Variants in KLHL1 observed in about 807,000 individuals in gnomAD.
The protein encoded by KLHL1 is kelch like family member 1, also known as kelch-like protein 1.
In KLHL1, 47 loss-of-function variants were observed where a neutral mutation model predicts 77.7. The observed-to-expected ratio is 0.60, with a 90% CI of 0.48 to 0.77. KLHL1 has a LOEUF of 0.77. KLHL1 is among the 30% of genes least tolerant of loss of function. The pLI is 0.00. For missense variants in KLHL1, 925 were observed against 910.8 expected (o/e 1.02, Z -0.20); for synonymous variants, 360 against 325.2 (o/e 1.11, Z -1.15).
chr13:69,729,991 G>A (rs555538431), intron 8 of KLHL1, among the ~76,000 whole-genome samples: 1 of 152,052 alleles, frequency 6.6e-6, no homozygotes, highest in South Asian at 2.1e-4. Context: ...ACAAGTACAG[G>A]AAAAGTAATC....
chr13:70,080,959 C>T (rs74845712), intron 1 of KLHL1, among the ~76,000 whole-genome samples: 2,078 of 152,264 alleles, frequency 0.014, 41 homozygotes, highest in African/African-American at 0.047. Flanking sequence ...GCTTAAATTC[C>T]TTTAAATCCA....
intron 7 of KLHL1, among the ~76,000 whole-genome samples, chr13:69,756,932 ACT>A (rs1491348704): frequency 6.6e-6 from 1 of 152,164 alleles, no homozygotes; most frequent in African/African-American, 2.4e-5. Context: ...AATATCATCA[ACT>A]TTTTTTGTAA....
intron 6 of KLHL1, among the ~76,000 whole-genome samples, chr13:69,831,645 A>G (rs1878766245): frequency 6.7e-6 from 1 of 149,964 alleles, no homozygotes; most frequent in South Asian, 2.1e-4. Flanking sequence ...GGACATAATA[A>G]AAAAGAAAAC....
chr13:70,049,501 A>G (rs932585375), intron 1 of KLHL1, among the ~76,000 whole-genome samples: 1 of 152,168 alleles, frequency 6.6e-6, no homozygotes, highest in African/African-American at 2.4e-5. Flanking sequence ...GACTGCAGCT[A>G]TTTCACCTGT....
intron 2 of KLHL1, 117 bp downstream of exon 2, chr13:69,975,503 A>G (rs1245020995): frequency 2.4e-6 from 2 of 835,806 alleles, no homozygotes; most frequent in Non-Finnish European, 3.6e-6. Context: ...ACAACAAAAA[A>G]CTTAAAAAAA....
At chr13:70,039,634 G>T (rs1886324791) in intron 1 of KLHL1, among the ~76,000 whole-genome samples, 6 of 141,554 alleles carry the variant, frequency 4.2e-5, no homozygotes, top group South Asian at 4.5e-4. Flanking sequence ...TGGATTCCTT[G>T]AACTTTTTTT....
chr13:69,814,432 G>C (rs900071990), intron 6 of KLHL1, among the ~76,000 whole-genome samples: 1 of 151,988 alleles, frequency 6.6e-6, no homozygotes, highest in Non-Finnish European at 1.5e-5. Flanking sequence ...CTTTGGCAAA[G>C]CAAAAGAAAC....
rs558802291 is a variant in KLHL1 at position 69,927,758 on chromosome 13, G to A, written c.1014+12282C>T. ...TCAATAAAAAACAACAAAAATTATT[G>A]GCAAGTATGTAGTTCTTCACATACT... On this transcript the variant is annotated intron_variant, in intron 4 of 10. Transcript: ENST00000377844. Among the ~76,000 whole-genome samples, 54 of 152,164 alleles carry A rather than the reference G, an allele frequency of 3.5e-4. 1 individual carries two copies. The highest frequency in any genetic ancestry group is 1.3e-3 in the African/African-American group (54 of 41,522).
chr13:70,054,829 A>G (rs61007948), intron 1 of KLHL1, among the ~76,000 whole-genome samples: 147,633 of 151,750 alleles, frequency 0.97, 71,898 homozygotes, highest in East Asian at 1. Flanking sequence ...AAGCATTAAG[A>G]GAGAATTAGT....
chr13:69,892,165 G>A (rs1881445770), intron 4 of KLHL1, among the ~76,000 whole-genome samples: 1 of 152,144 alleles, frequency 6.6e-6, no homozygotes, highest in Non-Finnish European at 1.5e-5. Context: ...GTGTCTAGCA[G>A]TCATTGAGAA....
chr13:69,771,571 C>A (rs1875564878), intron 7 of KLHL1, among the ~76,000 whole-genome samples: 1 of 152,118 alleles, frequency 6.6e-6, no homozygotes, highest in Admixed American at 6.6e-5. Flanking sequence ...AGCAATTGAC[C>A]TTTGTTAGCA....
At chr13:69,770,565 C>T (rs1381385230) in intron 7 of KLHL1, among the ~76,000 whole-genome samples, 1 of 152,148 alleles carries the variant, frequency 6.6e-6, no homozygotes, top group Non-Finnish European at 1.5e-5. Context: ...TCTTGGGCTC[C>T]TGGCCTCAGG....
At chr13:70,001,205 CAG>C (rs1885279349) in intron 1 of KLHL1, among the ~76,000 whole-genome samples, 1 of 150,520 alleles carries the variant, frequency 6.6e-6, no homozygotes. Context: ...AAATATAAAA[CAG>C]GAAATAGGAA....
intron 1 of KLHL1, among the ~76,000 whole-genome samples, chr13:70,000,812 A>G (rs555095083): frequency 6.6e-6 from 1 of 151,802 alleles, no homozygotes; most frequent in African/African-American, 2.4e-5. Context: ...ATATATGTTT[A>G]TTTAAAAAAG....
chr13:69,722,923 C>T (rs77252944), intron 8 of KLHL1, among the ~76,000 whole-genome samples: 3,725 of 152,052 alleles, frequency 0.024, 77 homozygotes, highest in Non-Finnish European at 0.042. Flanking sequence ...CAACTAAATG[C>T]TCAACAATGG....
At chr13:69,872,469 C>T (rs1470179697) in intron 5 of KLHL1, among the ~76,000 whole-genome samples, 1 of 152,118 alleles carries the variant, frequency 6.6e-6, no homozygotes, top group East Asian at 1.9e-4. Flanking sequence ...AAAGTCTCCA[C>T]CCTGAGAGGA....
intron 7 of KLHL1, among the ~76,000 whole-genome samples, chr13:69,742,809 A>G (rs78458856): frequency 0.028 from 4,303 of 152,292 alleles, 209 homozygotes; most frequent in African/African-American, 0.098. Context: ...ATTAAAAACC[A>G]TAAACTTCAA....
At chr13:69,858,076 G>A (rs80147514) in intron 5 of KLHL1, among the ~76,000 whole-genome samples, 2,125 of 152,114 alleles carry the variant, frequency 0.014, 47 homozygotes, top group African/African-American at 0.049. Flanking sequence ...CAGAGGCCAC[G>A]CCCTAAGGTC....
At chr13:70,035,343 C>T (rs1593692327) in intron 1 of KLHL1, among the ~76,000 whole-genome samples, 1 of 152,102 alleles carries the variant, frequency 6.6e-6, no homozygotes, top group East Asian at 1.9e-4. Flanking sequence ...GAAAAACAAA[C>T]TTCATATGTT....
Sources: allele counts gnomAD v4.1 joint callset (sites outside exome capture counted in the v4.1 genomes callset), GRCh38; gene constraint gnomAD v4.1.1; transcripts MANE v1.5; gene names NCBI Gene and HGNC (gene_info 2026-07-23, HGNC 2026-07-21).